Variants in NRG1 observed in about 807,000 individuals in gnomAD.
NRG1 encodes pro-neuregulin-1, membrane-bound isoform.
NRG1 carries 18 observed loss-of-function variants against 63.8 expected under a neutral mutation model. The observed-to-expected ratio is 0.28, with a 90% CI of 0.19 to 0.42. The LOEUF is 0.42. NRG1 is among the 10% of genes least tolerant of loss of function. The pLI is 1.00. For missense variants in NRG1, 762 were observed against 814.7 expected, an observed-to-expected ratio of 0.94 and a Z score of 0.79; for synonymous variants, 302 against 301.3, an observed-to-expected ratio of 1.00 and a Z score of -0.02.
rs115374150 is a variant in NRG1, at chr8:32,081,154, G to A, written c.37+441723G>A. Among the ~76,000 whole-genome samples, 384 of 152,182 alleles carry A rather than the reference G, an allele frequency of 2.5e-3. 1 individual carries two copies. Among genetic ancestry groups the A allele is most frequent in the African/African-American group, 9.0e-3 (374 of 41,526 alleles). ...GTTTGACAAAATATCCAGGGACCAG[G>A]GACCATGGCCCAGCCAAGTTGACAC... On this transcript the variant is annotated intron_variant, in intron 1 of 10. Transcript: ENST00000519301.
At chr8:32,769,486 C>T (rs767184226), downstream of NRG1, among the ~76,000 whole-genome samples, 4 of 152,090 alleles carry the variant, frequency 2.6e-5, no homozygotes, top group African/African-American at 4.8e-5. Flanking sequence ...TCTGTCCTAA[C>T]GATGAATGAT....
intron 1 of NRG1, among the ~76,000 whole-genome samples, chr8:32,580,243 T>C (rs1339829838): frequency 2.6e-5 from 4 of 152,184 alleles, no homozygotes; most frequent in Non-Finnish European, 5.9e-5. Context: ...ATCTGTGAAG[T>C]CCCTTTTGCT....
chr8:32,127,842 C>T (rs1459761755), intron 1 of NRG1, among the ~76,000 whole-genome samples: 1 of 151,696 alleles, frequency 6.6e-6, no homozygotes, highest in Non-Finnish European at 1.5e-5. Flanking sequence ...AAAAGGATCG[C>T]TTGAGCCCAG....
At chr8:32,244,536 G>A (rs555263350) in intron 1 of NRG1, among the ~76,000 whole-genome samples, 3 of 152,270 alleles carry the variant, frequency 2.0e-5, no homozygotes, top group Admixed American at 2.0e-4. Flanking sequence ...AGAAAGGGAA[G>A]CAGGGTTTTA....
chr8:32,260,880 A>G (rs953906348), intron 1 of NRG1, among the ~76,000 whole-genome samples: 1 of 152,040 alleles, frequency 6.6e-6, no homozygotes, highest in Non-Finnish European at 1.5e-5. Flanking sequence ...GTCTGTCTTC[A>G]TTTTCTCCCT....
chr8:32,539,796 A>C (rs1384368091), intron 1 of NRG1, among the ~76,000 whole-genome samples: 1 of 152,226 alleles, frequency 6.6e-6, no homozygotes, highest in Non-Finnish European at 1.5e-5. Context: ...TAAGGAAAAA[A>C]AAAAGATTTA....
At chr8:32,355,797 A>G (rs1374315110) in intron 1 of NRG1, among the ~76,000 whole-genome samples, 2 of 152,190 alleles carry the variant, frequency 1.3e-5, no homozygotes, top group African/African-American at 4.8e-5. Flanking sequence ...CAGAGTTCCT[A>G]CAATGGACTT....
downstream of NRG1, among the ~76,000 whole-genome samples, chr8:32,772,877 A>G (rs1831899844): frequency 6.6e-6 from 1 of 152,146 alleles, no homozygotes; most frequent in Non-Finnish European, 1.5e-5. Flanking sequence ...CCCTGTAACC[A>G]GGTACCTTCC....
intron 1 of NRG1, among the ~76,000 whole-genome samples, chr8:32,013,651 G>T (rs1295324707): frequency 6.6e-6 from 1 of 152,004 alleles, no homozygotes; most frequent in Admixed American, 6.6e-5. Context: ...CTACACCAGG[G>T]ACTGGCATGA....
At chr8:31,705,001 C>G (rs13255853) in intron 1 of NRG1, among the ~76,000 whole-genome samples, 42,794 of 151,894 alleles carry the variant, frequency 0.28, 7,130 homozygotes, top group Non-Finnish European at 0.36. Context: ...TTACACAGAA[C>G]TTGTAGCTAC....
At chr8:32,676,853 C>T (rs1274828583) in intron 5 of NRG1, among the ~76,000 whole-genome samples, 1 of 152,110 alleles carries the variant, frequency 6.6e-6, no homozygotes. Context: ...CTTCCATTTA[C>T]AGTAAGTGAT....
intron 1 of NRG1, among the ~76,000 whole-genome samples, chr8:32,475,463 CA>C (rs55906650): frequency 0.047 from 3,860 of 81,666 alleles, 146 homozygotes; most frequent in Middle Eastern, 0.076. Context: ...GACTCTGTCT[CA>C]AAAAAAAAAA....
At chr8:32,508,193 C>T (rs915003655) in intron 1 of NRG1, among the ~76,000 whole-genome samples, 2 of 152,158 alleles carry the variant, frequency 1.3e-5, no homozygotes, top group Admixed American at 1.3e-4. Context: ...ACTCCTTAAG[C>T]CCAGGAGTTT....
At chr8:32,281,204 A>G in intron 1 of NRG1, among the ~76,000 whole-genome samples, 1 of 16,140 alleles carries the variant, frequency 6.2e-5, no homozygotes, top group Non-Finnish European at 1.1e-4. Context: ...TTGAGACAGA[A>G]TCTCGCTCTG....
At chr8:32,102,288 C>G (rs1830676432) in intron 1 of NRG1, among the ~76,000 whole-genome samples, 1 of 152,184 alleles carries the variant, frequency 6.6e-6, no homozygotes, top group East Asian at 1.9e-4. Flanking sequence ...CAGGCGTGTG[C>G]CACCACATCT....
chr8:31,865,445 T>A (rs1274026274), intron 1 of NRG1, among the ~76,000 whole-genome samples: 1 of 152,048 alleles, frequency 6.6e-6, no homozygotes, highest in South Asian at 2.1e-4. Context: ...TATGATATGG[T>A]TTTGCTGTGT....
chr8:32,181,107 A>G (rs1403159283), intron 1 of NRG1, among the ~76,000 whole-genome samples: 1 of 152,176 alleles, frequency 6.6e-6, no homozygotes, highest in Non-Finnish European at 1.5e-5. Flanking sequence ...TCTAATTTGC[A>G]GTTAGTTTTT....
At chr8:32,448,834 A>G (rs1019106483) in intron 1 of NRG1, among the ~76,000 whole-genome samples, 2 of 152,140 alleles carry the variant, frequency 1.3e-5, no homozygotes, top group African/African-American at 4.8e-5. Flanking sequence ...TGTTTACTCT[A>G]TTCTGGCTTC....
chr8:32,648,193 G>C (rs1854095145), intron 5 of NRG1: 1 of 1,613,946 alleles, frequency 6.2e-7, no homozygotes, highest in Admixed American at 1.7e-5. Flanking sequence ...ACAGTGCAAG[G>C]TGACAAGGCT....
Sources: allele counts gnomAD v4.1 joint callset (sites outside exome capture counted in the v4.1 genomes callset), GRCh38; gene constraint gnomAD v4.1.1; transcripts MANE v1.5; gene names NCBI Gene and HGNC (gene_info 2026-07-23, HGNC 2026-07-21).